TANC2: variants seen among roughly 807,000 people sequenced by gnomAD.
TANC2 encodes the protein protein TANC2.
Under a neutral mutation model 210.5 loss-of-function variants are expected in TANC2, and 26 were observed. That is an observed-to-expected ratio of 0.12 (90% CI 0.09 to 0.17). The LOEUF (loss-of-function observed/expected upper bound fraction) is 0.17. Among genes scored for constraint, TANC2 ranks in the 10% least tolerant of loss-of-function variants. The pLI is 1.00. For synonymous variants in TANC2, 931 were observed against 967.1 expected (o/e 0.96, Z 0.69); for missense variants, 2,129 against 2,608.9 (o/e 0.82, Z 4.01).
At chr17:63,363,450 A>G (rs2047021553) in intron 14 of TANC2, among the ~76,000 whole-genome samples, 1 of 152,176 alleles carries the variant, frequency 6.6e-6, no homozygotes, top group African/African-American at 2.4e-5. Context: ...AATGTCTTGA[A>G]AAGTTTCCCT....
At chr17:63,232,976 G>T (rs1418113649) in intron 7 of TANC2, among the ~76,000 whole-genome samples, 1 of 152,220 alleles carries the variant, frequency 6.6e-6, no homozygotes, top group African/African-American at 2.4e-5. Flanking sequence ...CCACAGGGGA[G>T]CCCCAGCCAG....
intron 2 of TANC2, among the ~76,000 whole-genome samples, chr17:63,060,755 A>G (rs953190648): frequency 2.6e-5 from 4 of 152,224 alleles, no homozygotes; most frequent in Non-Finnish European, 5.9e-5. Flanking sequence ...AACTAGGAAG[A>G]ACTAATAACA....
intron 14 of TANC2, among the ~76,000 whole-genome samples, chr17:63,368,859 A>G (rs374573760): frequency 7.0e-4 from 107 of 152,376 alleles, no homozygotes; most frequent in African/African-American, 2.5e-3. Flanking sequence ...AAACGGGAAG[A>G]TAAAAAGTAA....
chr17:63,059,213 TACTCAGACACAACTTA>T (rs1375217201), intron 2 of TANC2, among the ~76,000 whole-genome samples: 1 of 152,210 alleles, frequency 6.6e-6, no homozygotes, highest in Non-Finnish European at 1.5e-5. Flanking sequence ...GTTGTTTGTG[TACTCAGACACAACTTA>T]ACATTTTCCC....
chr17:63,262,879 C>T (rs1470385246), intron 8 of TANC2, among the ~76,000 whole-genome samples: 1 of 152,116 alleles, frequency 6.6e-6, no homozygotes, highest in African/African-American at 2.4e-5. Context: ...TTAGATACCT[C>T]TTCTGGGTAG....
chr17:63,067,697 A>G (rs1215948398), intron 2 of TANC2, among the ~76,000 whole-genome samples: 1 of 152,140 alleles, frequency 6.6e-6, no homozygotes, highest in Non-Finnish European at 1.5e-5. Context: ...TCAGTAGCAT[A>G]ATGGAAGTGA....
At chr17:63,373,970 G>A (rs1194706200) in intron 14 of TANC2, among the ~76,000 whole-genome samples, 1 of 149,962 alleles carries the variant, frequency 6.7e-6, no homozygotes, top group East Asian at 1.9e-4. Flanking sequence ...AATGGCGTGA[G>A]ACTCTGTCTC....
At chr17:63,324,465 T>G (rs2045584623) in intron 11 of TANC2, among the ~76,000 whole-genome samples, 1 of 152,080 alleles carries the variant, frequency 6.6e-6, no homozygotes, top group African/African-American at 2.4e-5. Flanking sequence ...AATATGGAAA[T>G]GTAAGCCAGA....
At chr17:63,189,143 T>TG (rs1416016980) in intron 5 of TANC2, among the ~76,000 whole-genome samples, 1 of 152,222 alleles carries the variant, frequency 6.6e-6, no homozygotes, top group Non-Finnish European at 1.5e-5. Flanking sequence ...TGTTCCCTAA[T>TG]GGGAATATAT....
chr17:63,427,603 A>G (rs1054570163), exon 28 of TANC2: 2 of 152,232 alleles, frequency 1.3e-5, no homozygotes, highest in South Asian at 4.1e-4. Flanking sequence ...AGTTCAAATG[A>G]ATGCATTTTC....
chr17:63,418,034 C>CT lies in TANC2; in HGVS notation c.4168-270dup, dbSNP rs1448459088. Among the ~76,000 whole-genome samples, 1 of 152,158 alleles carries CT rather than the reference C, an allele frequency of 6.6e-6. No homozygotes were observed. The highest frequency in any genetic ancestry group is 1.5e-5 in the Non-Finnish European group (1 of 68,040). ...TGGTGTTTGGCTTCCGGGCTGAGAA[C>CT]TTTATTAGAAAGGCAAAAAGAGGGA... On this transcript the variant is annotated intron_variant, in intron 26 of 27. Transcript: ENST00000689528. This position sits in a 1 kb window ranked among gnomAD's most constrained non-coding sequence, Gnocchi z 4.6.
intron 7 of TANC2, among the ~76,000 whole-genome samples, chr17:63,233,703 G>A (rs1022315008): frequency 2.0e-5 from 3 of 152,320 alleles, no homozygotes; most frequent in Middle Eastern, 3.4e-3. Flanking sequence ...TTTTTAGAGA[G>A]CCAAGATGTT....
intron 14 of TANC2, among the ~76,000 whole-genome samples, chr17:63,367,390 A>G (rs896813581): frequency 6.6e-6 from 1 of 152,158 alleles, no homozygotes; most frequent in Non-Finnish European, 1.5e-5. Context: ...TCAAAACATG[A>G]TGAGATTTTT....
intron 2 of TANC2, among the ~76,000 whole-genome samples, chr17:63,012,566 T>G (rs2033920194): frequency 6.6e-6 from 1 of 152,058 alleles, no homozygotes; most frequent in African/African-American, 2.4e-5. Context: ...TGCCCATATA[T>G]TTGACCTTTT....
intron 1 of TANC2, among the ~76,000 whole-genome samples, chr17:62,985,246 T>A (rs541279312): frequency 3.1e-4 from 47 of 152,356 alleles, no homozygotes; most frequent in Middle Eastern, 3.4e-3. Flanking sequence ...AAATCTACTC[T>A]ACTAAGACTA....
At chr17:63,406,132 C>T in intron 20 of TANC2, 22 bp from the exon 21 acceptor site, 3 of 1,613,254 alleles carry the variant, frequency 1.9e-6, no homozygotes, top group Non-Finnish European at 2.5e-6. Context: ...GCTAATTGGT[C>T]CCTGTTTCTC....
chr17:63,017,173 T>C (rs2034145600), intron 2 of TANC2, among the ~76,000 whole-genome samples: 1 of 152,178 alleles, frequency 6.6e-6, no homozygotes, highest in East Asian at 1.9e-4. Flanking sequence ...TAGCACTGTT[T>C]TTTGAAGAGA....
At chr17:63,339,016 A>G (rs1198352880) in intron 11 of TANC2, 1 of 152,298 alleles carries the variant, frequency 6.6e-6, no homozygotes, top group Non-Finnish European at 1.5e-5. Flanking sequence ...TGGAGTTCAT[A>G]TGTCTATGAG....
At chr17:63,012,489 A>T in intron 2 of TANC2, among the ~76,000 whole-genome samples, 1 of 152,082 alleles carries the variant, frequency 6.6e-6, no homozygotes, top group East Asian at 1.9e-4. Context: ...AGAGCTTTAG[A>T]TTCTCTTCAC....
Sources: gnomAD v4.1 joint callset for allele counts (sites outside exome capture counted in the v4.1 genomes callset) on GRCh38, gnomAD v4.1.1 for gene constraint, Gnocchi (gnomAD v3.1) non-coding constraint, MANE v1.5 for transcripts, NCBI Gene and HGNC (gene_info 2026-07-23, HGNC 2026-07-21) for gene names.